Variants in CAMKMT observed in about 807,000 individuals in gnomAD.
CAMKMT encodes calmodulin-lysine N-methyltransferase.
CAMKMT carries 53 observed loss-of-function variants against 48.0 expected under a neutral mutation model. The ratio of observed to expected loss-of-function variants is 1.10; its 90% CI spans 0.89 to 1.39. CAMKMT has a LOEUF of 1.39. CAMKMT is among the 40% of genes most tolerant of loss of function. CAMKMT has a pLI of 0.00. For synonymous variants in CAMKMT, 165 were observed against 152.3 expected (o/e 1.08, Z -0.61); for missense variants, 428 against 402.7 (o/e 1.06, Z -0.54).
chr2:44,695,836 A>T (rs1264248054), intron 3 of CAMKMT, among the ~76,000 whole-genome samples: 1 of 151,964 alleles, frequency 6.6e-6, no homozygotes, highest in Non-Finnish European at 1.5e-5. Flanking sequence ...GTGGCATCAG[A>T]TGTAGCTGGT....
intron 3 of CAMKMT, among the ~76,000 whole-genome samples, chr2:44,621,703 T>C (rs933573152): frequency 4.6e-5 from 7 of 152,214 alleles, no homozygotes; most frequent in African/African-American, 1.7e-4. Context: ...TATGGCCTTG[T>C]AGGGCAGAGT....
At chr2:44,586,461 T>A in intron 3 of CAMKMT, among the ~76,000 whole-genome samples, 1 of 152,206 alleles carries the variant, frequency 6.6e-6, no homozygotes, top group Non-Finnish European at 1.5e-5. Context: ...GCAAATATTA[T>A]CTGCTTTCTC....
chr2:44,407,389 C>T (rs904517936), intron 3 of CAMKMT, among the ~76,000 whole-genome samples: 1 of 152,038 alleles, frequency 6.6e-6, no homozygotes, highest in Non-Finnish European at 1.5e-5. Context: ...AGGGGTTAGA[C>T]GTTTTCAATG....
chr2:44,655,682 C>T (rs138324869), intron 3 of CAMKMT, among the ~76,000 whole-genome samples: 234 of 152,256 alleles, frequency 1.5e-3, no homozygotes, highest in African/African-American at 5.3e-3. Flanking sequence ...AGAGTCTTCT[C>T]CAGTTTTGCA....
In CAMKMT at chr2:44,640,835, A is replaced by G. The variant is rs147730601; in HGVS notation, c.377-63448A>G. Among the ~76,000 whole-genome samples the G allele has an allele frequency of 1.4e-3, 209 of 152,322 alleles. 2 individuals are homozygous for G. Among genetic ancestry groups the G allele is most frequent in the African/African-American group, 4.7e-3 (194 of 41,576 alleles). On this transcript the variant is annotated intron_variant, in intron 3 of 10. Coordinates refer to ENST00000378494, the MANE Select transcript of CAMKMT (RefSeq NM_024766.5). ...ATTCTCAAGCTTCTTTAATATCTCA[A>G]TGTTAATCCACCAGCCATGAATTTT...
intron 3 of CAMKMT, among the ~76,000 whole-genome samples, chr2:44,527,785 GCC>G (rs71393280): frequency 5.9e-5 from 5 of 84,820 alleles, no homozygotes; most frequent in Non-Finnish European, 1.2e-4. Flanking sequence ...CATGTGTACA[GCC>G]CCCCCCCCCA....
intron 10 of CAMKMT, among the ~76,000 whole-genome samples, chr2:44,768,961 G>A (rs1680984774): frequency 6.6e-6 from 1 of 152,040 alleles, no homozygotes; most frequent in African/African-American, 2.4e-5. Context: ...CCGCTGTCCC[G>A]TCTTAATCTT....
At chr2:44,582,627 A>G (rs564145956) in intron 3 of CAMKMT, among the ~76,000 whole-genome samples, 150 of 152,316 alleles carry the variant, frequency 9.8e-4, no homozygotes, top group African/African-American at 3.5e-3. Context: ...TGATTGGGCA[A>G]TGATTTTTTT....
intron 7 of CAMKMT, among the ~76,000 whole-genome samples, chr2:44,736,371 A>G (rs1332698688): frequency 1.3e-5 from 2 of 151,876 alleles, no homozygotes; most frequent in Non-Finnish European, 2.9e-5. Flanking sequence ...TATTCCTCAC[A>G]AAAAAAATAT....
chr2:44,613,706 C>G (rs764709493), intron 3 of CAMKMT, among the ~76,000 whole-genome samples: 43 of 152,148 alleles, frequency 2.8e-4, no homozygotes, highest in Non-Finnish European at 7.4e-5. Context: ...CATTAACCCT[C>G]ATGATATCCT....
chr2:44,747,880 G>C (rs1193017969), intron 8 of CAMKMT, among the ~76,000 whole-genome samples: 1 of 149,816 alleles, frequency 6.7e-6, no homozygotes, highest in African/African-American at 2.5e-5. Context: ...CTGTGTGTCT[G>C]TGTGTGTGTG....
chr2:44,475,093 A>G lies in CAMKMT; in HGVS notation c.376+84788A>G, dbSNP rs146397841. ...AGTCAAAATGTAATCCTTCTATAGCATGTGGCTTAGTTTAATATCCATGTT... is the reference window on the plus strand; with the variant it reads ...AGTCAAAATGTAATCCTTCTATAGCGTGTGGCTTAGTTTAATATCCATGTT... On this transcript the variant is annotated intron_variant, in intron 3 of 10. Coordinates refer to ENST00000378494, the MANE Select transcript of CAMKMT (RefSeq NM_024766.5). 2.7e-3 allele frequency among the ~76,000 whole-genome samples: 405 copies of G among 152,328 alleles called. 1 individual carries two copies. Among genetic ancestry groups the G allele is most frequent in the African/African-American group, 9.1e-3 (379 of 41,578 alleles).
chr2:44,594,739 G>A (rs1670548215), intron 3 of CAMKMT, among the ~76,000 whole-genome samples: 1 of 152,132 alleles, frequency 6.6e-6, no homozygotes, highest in African/African-American at 2.4e-5. Flanking sequence ...TGCCATTCAG[G>A]ACATAGGCAT....
At chr2:44,620,180 A>G (rs901291035) in intron 3 of CAMKMT, among the ~76,000 whole-genome samples, 2 of 152,236 alleles carry the variant, frequency 1.3e-5, no homozygotes, top group Non-Finnish European at 2.9e-5. Flanking sequence ...ATTGTTATTC[A>G]GAATTACCAG....
intron 3 of CAMKMT, among the ~76,000 whole-genome samples, chr2:44,539,831 A>G (rs547363924): frequency 1.1e-4 from 16 of 152,242 alleles, no homozygotes; most frequent in African/African-American, 2.9e-4. Context: ...TTGGCATGTC[A>G]TATCAGGGAA....
intron 3 of CAMKMT, among the ~76,000 whole-genome samples, chr2:44,489,479 C>T (rs1669380158): frequency 6.6e-6 from 1 of 152,066 alleles, no homozygotes; most frequent in Non-Finnish European, 1.5e-5. Flanking sequence ...CTCCTGAACT[C>T]AGATGATCCA....
chr2:44,472,351 A>G (rs760225735), intron 3 of CAMKMT, among the ~76,000 whole-genome samples: 3 of 152,162 alleles, frequency 2.0e-5, no homozygotes, highest in African/African-American at 7.2e-5. Flanking sequence ...CATTTGAATG[A>G]TTATTTTTTA....
chr2:44,757,336 C>A (rs530826620), intron 9 of CAMKMT, among the ~76,000 whole-genome samples: 10 of 152,278 alleles, frequency 6.6e-5, no homozygotes, highest in Admixed American at 2.0e-4. Flanking sequence ...TCTATCAGCT[C>A]TGAAATCCTG....
chr2:44,585,686 T>C (rs76097553), intron 3 of CAMKMT, among the ~76,000 whole-genome samples: 13 of 152,356 alleles, frequency 8.5e-5, no homozygotes, highest in Non-Finnish European at 1.8e-4. Context: ...TTGTGTACTT[T>C]ATGAAGGGCT....
Sources: allele counts gnomAD v4.1 joint callset (sites outside exome capture counted in the v4.1 genomes callset), GRCh38; gene constraint gnomAD v4.1.1; transcripts MANE v1.5; gene names NCBI Gene and HGNC (gene_info 2026-07-23, HGNC 2026-07-21).